NOPCHAP1: variants seen among roughly 807,000 people sequenced by gnomAD.
The protein encoded by NOPCHAP1 is DNA damage-sensitive RNA 1.
A neutral mutation model predicts 14.0 loss-of-function variants in NOPCHAP1; 13 were observed. The observed-to-expected ratio is 0.93, with a 90% CI of 0.60 to 1.47. The LOEUF is 1.47. NOPCHAP1 is among the 40% of genes most tolerant of loss of function. The probability of loss-of-function intolerance (pLI) is 0.00; values close to 1 mark genes in which losing one functional copy is unlikely to be tolerated. For missense variants in NOPCHAP1, 230 were observed against 226.9 expected, an observed-to-expected ratio of 1.01 and a Z score of -0.09; for synonymous variants, 78 against 78.4, an observed-to-expected ratio of 1.00 and a Z score of 0.03.
In NOPCHAP1 at chr12:105,002,736, A is replaced by C. The variant is rs1170548184; in HGVS notation, c.*8040A>C. The C allele has an allele frequency of 6.6e-6, 1 of 152,176 alleles. No homozygotes were observed. The highest frequency in any genetic ancestry group is 1.5e-5 in the Non-Finnish European group (1 of 68,034). 9.4% of individuals were successfully genotyped at this position (152,176 alleles called of 1,614,324 possible). ...AGTATCATATGAATAAATTGGTCAG[A>C]GAGTCCTGGCTTGTAAGCTCCTGTG... On this transcript the variant is annotated 3_prime_UTR_variant, in exon 4 of 4. Coordinates refer to ENST00000552951, the MANE Select transcript of NOPCHAP1 (RefSeq NM_152318.3).
chr12:105,013,499 CGCTGGTGT>C lies in NOPCHAP1; in HGVS notation c.*18804_*18811del, dbSNP rs1873878223. The C allele has an allele frequency of 6.5e-6, 1 of 153,370 alleles. No individual in the cohort carries two copies. The highest frequency in any genetic ancestry group is 1.4e-5 in the Non-Finnish European group (1 of 69,094). The allele number at this position is 153,370 out of a possible 1,614,324, so 9.5% of individuals were successfully genotyped here. ...TCCAGGGGAGTGAACGGTTCTGTCT[CGCTGGTGT>C]TCCAGGCACCACTGGGGTATGAAGA... On this transcript the variant is annotated 3_prime_UTR_variant, in exon 4 of 4. Transcript: ENST00000552951.
rs1026157615 is a variant in NOPCHAP1 at position 105,003,119 on chromosome 12, A to G, written c.*8423A>G. On this transcript the variant is annotated 3_prime_UTR_variant, in exon 4 of 4. Coordinates refer to ENST00000552951, the MANE Select transcript of NOPCHAP1 (RefSeq NM_152318.3). ...CTGTAAGGAATCTTTTACTACCTGTATGTACCAATTTAAAGAATGCATCTC... is the reference window on the plus strand; with the variant it reads ...CTGTAAGGAATCTTTTACTACCTGTGTGTACCAATTTAAAGAATGCATCTC... 2 of 152,244 alleles carry G rather than the reference A, an allele frequency of 1.3e-5. No homozygotes were observed. Among genetic ancestry groups the G allele is most frequent in the Non-Finnish European group, 2.9e-5 (2 of 68,044 alleles). 9.4% of individuals were successfully genotyped at this position (152,244 alleles called of 1,614,324 possible).
Position 105,006,839 on chromosome 12 carries a change from T to G in NOPCHAP1, c.*12143T>G, listed in dbSNP as rs1414637753. The G allele has an allele frequency of 6.6e-6, 1 of 152,082 alleles. No individual in the cohort carries two copies. The highest frequency in any genetic ancestry group is 1.5e-5 in the Non-Finnish European group (1 of 68,010). 9.4% of individuals were successfully genotyped at this position (152,082 alleles called of 1,614,324 possible). On this transcript the variant is annotated 3_prime_UTR_variant, in exon 4 of 4. Coordinates refer to ENST00000552951, the MANE Select transcript of NOPCHAP1 (RefSeq NM_152318.3). Reference sequence around the variant, plus strand: ...AGGTTTGTTATATAGGTATTTTGTGTGTCATAGGGGTTTGGTGTGCAGATT... The same window carrying G: ...AGGTTTGTTATATAGGTATTTTGTGGGTCATAGGGGTTTGGTGTGCAGATT...
intron 3 of NOPCHAP1, among the ~76,000 whole-genome samples, chr12:104,992,575 G>T (rs946575597): frequency 1.3e-5 from 2 of 152,160 alleles, no homozygotes; most frequent in Non-Finnish European, 2.9e-5. Flanking sequence ...GATCCTGCCT[G>T]CAGTTCTCTA....
At chr12:104,993,694 T>C (rs1317302922) in intron 3 of NOPCHAP1, among the ~76,000 whole-genome samples, 1 of 152,216 alleles carries the variant, frequency 6.6e-6, no homozygotes, top group Non-Finnish European at 1.5e-5. Context: ...TATTTTAATT[T>C]TTTTCCCCCA....
intron 3 of NOPCHAP1, among the ~76,000 whole-genome samples, chr12:104,992,843 C>T (rs923084333): frequency 6.6e-5 from 10 of 152,142 alleles, no homozygotes; most frequent in Non-Finnish European, 1.3e-4. Context: ...ACAGTTTCAT[C>T]CCCAAAACAT....
chr12:104,992,885 C>T (rs1373807317), intron 3 of NOPCHAP1, among the ~76,000 whole-genome samples: 1 of 152,098 alleles, frequency 6.6e-6, no homozygotes, highest in Non-Finnish European at 1.5e-5. Flanking sequence ...AATTTTCTTC[C>T]ACAAAACTGG....
chr12:105,016,363 T>C lies in NOPCHAP1; in HGVS notation c.*21667T>C, dbSNP rs1873946054. 1 of 152,196 alleles carries C rather than the reference T, an allele frequency of 6.6e-6. No homozygotes were observed. Among genetic ancestry groups the C allele is most frequent in the Admixed American group, 6.5e-5 (1 of 15,284 alleles). 9.4% of individuals were successfully genotyped at this position (152,196 alleles called of 1,614,324 possible). A position where few individuals can be genotyped will look rare whatever the true frequency, so the allele number is the denominator to read the frequency against. ...GAGCCCTTTCTGTGTTAGCTACTAG[T>C]CTAAGAGTTACCACCACTCATACAT... On this transcript the variant is annotated 3_prime_UTR_variant, in exon 4 of 4. Coordinates refer to ENST00000552951, the MANE Select transcript of NOPCHAP1 (RefSeq NM_152318.3).
chr12:105,010,343 GT>G lies in NOPCHAP1; in HGVS notation c.*15648del, dbSNP rs1311408038. The G allele has an allele frequency of 6.6e-6, 1 of 151,398 alleles. No homozygotes were observed. The highest frequency in any genetic ancestry group is 1.5e-5 in the Non-Finnish European group (1 of 67,892). The allele number at this position is 151,398 out of a possible 1,614,324, so 9.4% of individuals were successfully genotyped here. On this transcript the variant is annotated 3_prime_UTR_variant, in exon 4 of 4. Transcript: ENST00000552951. ...GATATCCCCTTTATCATTTTTTATT[GT>G]GTCTGTTTGATTCTTCTCTCTTTTC...
chr12:105,016,660 A>T lies in NOPCHAP1; in HGVS notation c.*21964A>T, dbSNP rs1316400116. ...CTTTATAAAACCATCAGACCTGGTG[A>T]GACTTATTCACATGAGAACAGCATA... On this transcript the variant is annotated 3_prime_UTR_variant, in exon 4 of 4. Transcript: ENST00000552951. 6.6e-6 allele frequency: 1 copy of T among 152,140 alleles called. No homozygotes were observed. Among genetic ancestry groups the T allele is most frequent in the African/African-American group, 2.4e-5 (1 of 41,426 alleles). The allele number at this position is 152,140 out of a possible 1,614,324, so 9.4% of individuals were successfully genotyped here. A position where few individuals can be genotyped will look rare whatever the true frequency, so the allele number is the denominator to read the frequency against.
rs1251536010 is a variant in NOPCHAP1 at position 105,006,610 on chromosome 12, C to T, written c.*11914C>T. The stretch of plus-strand genomic sequence containing the variant: ...GTTGTAAACCAGAAGACTGGCAACT[C>T]GTATTTATCTTTTCCCTTCCAGGCT... On this transcript the variant is annotated 3_prime_UTR_variant, in exon 4 of 4. Coordinates refer to ENST00000552951, the MANE Select transcript of NOPCHAP1 (RefSeq NM_152318.3). The T allele has an allele frequency of 2.0e-5, 3 of 152,162 alleles. No homozygotes were observed. Among genetic ancestry groups the T allele is most frequent in the East Asian group, 3.8e-4 (2 of 5,204 alleles). 9.4% of individuals were successfully genotyped at this position (152,162 alleles called of 1,614,324 possible).
rs1873838204 is a variant in NOPCHAP1 at position 105,012,035 on chromosome 12, C to T, written c.*17339C>T. ...GTATTTCCTGAATTTGAATGTTGGC[C>T]TGTCTTGCTAGGTTGGGGAAGTTCT... On this transcript the variant is annotated 3_prime_UTR_variant, in exon 4 of 4. Coordinates refer to ENST00000552951, the MANE Select transcript of NOPCHAP1 (RefSeq NM_152318.3). The T allele has an allele frequency of 6.6e-6, 1 of 152,276 alleles. No homozygotes were observed. The highest frequency in any genetic ancestry group is 2.4e-5 in the African/African-American group (1 of 41,540). The allele number at this position is 152,276 out of a possible 1,614,324, so 9.4% of individuals were successfully genotyped here. A position where few individuals can be genotyped will look rare whatever the true frequency, so the allele number is the denominator to read the frequency against.
At position 104,999,727 on chromosome 12, in the gene NOPCHAP1, G is replaced by C. The variant is rs1341015471; in HGVS notation, c.*5031G>C. ...TCCCTGCAAGCTCAAGAGTCCATGG[G>C]GGTCCTGGGGTCTCCTGCCAGATTC... On this transcript the variant is annotated 3_prime_UTR_variant, in exon 4 of 4. Coordinates refer to ENST00000552951, the MANE Select transcript of NOPCHAP1 (RefSeq NM_152318.3). The C allele has an allele frequency of 6.6e-6, 1 of 152,532 alleles. No individual in the cohort carries two copies. The highest frequency in any genetic ancestry group is 2.4e-5 in the African/African-American group (1 of 41,462). The allele number at this position is 152,532 out of a possible 1,614,324, so 9.4% of individuals were successfully genotyped here.
In NOPCHAP1 at chr12:105,000,727, C is replaced by T. The variant is rs746720161; in HGVS notation, c.*6031C>T. On this transcript the variant is annotated 3_prime_UTR_variant, in exon 4 of 4. Coordinates refer to ENST00000552951, the MANE Select transcript of NOPCHAP1 (RefSeq NM_152318.3). Reference sequence around the variant, plus strand: ...TTTCACTGATGTTGTTTTCAGAAGACCCAATCTCCATGTTCCAGATTGTGA... The same window carrying T: ...TTTCACTGATGTTGTTTTCAGAAGATCCAATCTCCATGTTCCAGATTGTGA... 2.6e-5 allele frequency: 4 copies of T among 151,986 alleles called. No individual in the cohort carries two copies. Among genetic ancestry groups the T allele is most frequent in the Non-Finnish European group, 4.4e-5 (3 of 67,984 alleles). The allele number at this position is 151,986 out of a possible 1,614,324, so 9.4% of individuals were successfully genotyped here. A position where few individuals can be genotyped will look rare whatever the true frequency, so the allele number is the denominator to read the frequency against.
chr12:104,987,478 A>T (rs993341007), intron 1 of NOPCHAP1, among the ~76,000 whole-genome samples: 2 of 152,154 alleles, frequency 1.3e-5, no homozygotes, highest in African/African-American at 4.8e-5. Flanking sequence ...CATTCAATGG[A>T]TGTTTGTTGC....
rs923369139 is a variant in NOPCHAP1 at position 105,005,052 on chromosome 12, G to A, written c.*10356G>A. 1 of 152,204 alleles carries A rather than the reference G, an allele frequency of 6.6e-6. No individual in the cohort carries two copies. Among genetic ancestry groups the A allele is most frequent in the Non-Finnish European group, 1.5e-5 (1 of 68,042 alleles). 9.4% of individuals were successfully genotyped at this position (152,204 alleles called of 1,614,324 possible). ...TTGTCTTCAGGTTGAGTAGGTTGAG[G>A]AGGAGGAAGCAGAGGGGTTGGCACA... On this transcript the variant is annotated 3_prime_UTR_variant, in exon 4 of 4. Transcript: ENST00000552951.
rs1369620504 is a variant in NOPCHAP1, at chr12:105,007,386, C to T, written c.*12690C>T. 3 of 152,166 alleles carry T rather than the reference C, an allele frequency of 2.0e-5. No homozygotes were observed. Among genetic ancestry groups the T allele is most frequent in the Non-Finnish European group, 2.9e-5 (2 of 68,036 alleles). 9.4% of individuals were successfully genotyped at this position (152,166 alleles called of 1,614,324 possible). A position where few individuals can be genotyped will look rare whatever the true frequency, so the allele number is the denominator to read the frequency against. On this transcript the variant is annotated 3_prime_UTR_variant, in exon 4 of 4. Transcript: ENST00000552951. ...CAGATGCAGACCTCAGTCTATGGTA[C>T]ACATCAAGCAATTCATATTTTTCTT... is the stretch of plus-strand genomic sequence containing the variant.
Position 105,014,413 on chromosome 12 carries a change from A to G in NOPCHAP1, c.*19717A>G, listed in dbSNP as rs951972167. 20 of 152,208 alleles carry G rather than the reference A, an allele frequency of 1.3e-4. No homozygotes were observed. Among genetic ancestry groups the G allele is most frequent in the Admixed American group, 8.5e-4 (13 of 15,270 alleles). The allele number at this position is 152,208 out of a possible 1,614,324, so 9.4% of individuals were successfully genotyped here. On this transcript the variant is annotated 3_prime_UTR_variant, in exon 4 of 4. Transcript: ENST00000552951. ...CTGTGAATTTTTTCAAATTGTCACA[A>G]ATCTCCAAAAATGTTAAAAATATAT...
chr12:105,014,243 GGTAA>G lies in NOPCHAP1; in HGVS notation c.*19550_*19553del, dbSNP rs1271778739. On this transcript the variant is annotated 3_prime_UTR_variant, in exon 4 of 4. Coordinates refer to ENST00000552951, the MANE Select transcript of NOPCHAP1 (RefSeq NM_152318.3). The stretch of plus-strand genomic sequence containing the variant: ...GGTACCGTCTATAAGTGTTTGTGTG[GGTAA>G]GTGCTGATAAATTCTAACTTTTTAT... 1 of 152,058 alleles carries G rather than the reference GGTAA, an allele frequency of 6.6e-6. No homozygotes were observed. Among genetic ancestry groups the G allele is most frequent in the Non-Finnish European group, 1.5e-5 (1 of 68,016 alleles). The allele number at this position is 152,058 out of a possible 1,614,324, so 9.4% of individuals were successfully genotyped here.
Sources: allele counts gnomAD v4.1 joint callset (sites outside exome capture counted in the v4.1 genomes callset), GRCh38; gene constraint gnomAD v4.1.1; transcripts MANE v1.5; gene names NCBI Gene and HGNC (gene_info 2026-07-23, HGNC 2026-07-21).